The following CDH18 variants were observed in gnomAD, a reference collection of about 807,000 sequenced individuals.
The protein encoded by CDH18 is cadherin-18.
CDH18 carries 31 observed loss-of-function variants against 67.9 expected under a neutral mutation model. The ratio of observed to expected loss-of-function variants is 0.46; its 90% CI spans 0.34 to 0.62. The LOEUF is 0.62. Among genes scored for constraint, CDH18 ranks in the 20% least tolerant of loss-of-function variants. The pLI is 0.01. For synonymous variants in CDH18, 362 were observed against 347.2 expected (o/e 1.04, Z -0.48); for missense variants, 890 against 975.5 (o/e 0.91, Z 1.17).
At chr5:19,635,400 A>G (rs1479509940) in intron 5 of CDH18, among the ~76,000 whole-genome samples, 1 of 152,126 alleles carries the variant, frequency 6.6e-6, no homozygotes, top group African/African-American at 2.4e-5. Context: ...ACATATGGAA[A>G]CTCTAAAAGT....
intron 3 of CDH18, among the ~76,000 whole-genome samples, chr5:19,755,170 C>T (rs1358286304): frequency 1.4e-5 from 2 of 145,052 alleles, no homozygotes; most frequent in Admixed American, 1.4e-4. Flanking sequence ...CATAGCAGAA[C>T]TAAATGAAAT....
intron 7 of CDH18, among the ~76,000 whole-genome samples, chr5:19,576,418 CA>C (rs1207463344): frequency 1.3e-5 from 2 of 151,668 alleles, no homozygotes; most frequent in African/African-American, 4.8e-5. Context: ...TCACTCTATT[CA>C]AAAAATGGGC....
chr5:19,599,492 G>GTA, intron 6 of CDH18, among the ~76,000 whole-genome samples: 2 of 152,230 alleles, frequency 1.3e-5, no homozygotes, highest in East Asian at 3.9e-4. Flanking sequence ...TACACTTACA[G>GTA]TATATATTTT....
At chr5:20,012,716 T>C (rs983538953) in intron 2 of CDH18, among the ~76,000 whole-genome samples, 2 of 152,090 alleles carry the variant, frequency 1.3e-5, no homozygotes, top group African/African-American at 4.8e-5. Context: ...TGGAATACTA[T>C]GCAGCCATAT....
At position 20,018,472 on chromosome 5, in the gene CDH18, G is replaced by C. The variant is rs532696331; in HGVS notation, c.-517-26458C>G. Among the ~76,000 whole-genome samples the C allele has an allele frequency of 3.3e-5, 5 of 152,234 alleles. No homozygotes were observed. The East Asian group carries it at 9.7e-4, about 29-fold the overall frequency. On this transcript the variant is annotated intron_variant, in intron 2 of 14. Transcript: ENST00000507958. ...CACTTAGAGAACCTTCCCTCATTGA[G>C]CTTTGCTTTTGAATGAGCCTGACAC... is the stretch of plus-strand genomic sequence containing the variant.
At chr5:20,147,745 G>C (rs957441619) in intron 2 of CDH18, among the ~76,000 whole-genome samples, 5 of 151,902 alleles carry the variant, frequency 3.3e-5, no homozygotes, top group Admixed American at 3.3e-4. Context: ...TTTGGAATAA[G>C]GACCAGAAAG....
intron 5 of CDH18, among the ~76,000 whole-genome samples, chr5:19,626,473 C>T (rs923980774): frequency 2.6e-5 from 4 of 151,566 alleles, no homozygotes; most frequent in African/African-American, 9.7e-5. Flanking sequence ...ATTCCTTTAT[C>T]CTGAGCACTA....
intron 5 of CDH18, among the ~76,000 whole-genome samples, chr5:19,712,686 T>C (rs1397777362): frequency 6.6e-6 from 1 of 150,554 alleles, no homozygotes; most frequent in African/African-American, 2.4e-5. Context: ...TATATATATG[T>C]ATGTATTCTA....
chr5:19,579,103 A>G (rs1387555474), intron 7 of CDH18, among the ~76,000 whole-genome samples: 1 of 151,996 alleles, frequency 6.6e-6, no homozygotes, highest in Non-Finnish European at 1.5e-5. Context: ...TATTAATTAC[A>G]TTATTTGATT....
At chr5:19,934,151 G>A (rs890360883) in intron 2 of CDH18, among the ~76,000 whole-genome samples, 8 of 150,800 alleles carry the variant, frequency 5.3e-5, no homozygotes, top group African/African-American at 1.9e-4. Context: ...ATAAATAAGA[G>A]TAGAAAGGAA....
chr5:20,377,165 A>C (rs1023618062), intron 1 of CDH18, among the ~76,000 whole-genome samples: 1 of 152,220 alleles, frequency 6.6e-6, no homozygotes, highest in Non-Finnish European at 1.5e-5. Flanking sequence ...ACCATTTTTC[A>C]ACATTTGTCT....
At chr5:19,823,485 G>A (rs1389378667) in intron 3 of CDH18, among the ~76,000 whole-genome samples, 8 of 152,104 alleles carry the variant, frequency 5.3e-5, no homozygotes, top group Admixed American at 1.3e-4. Context: ...TGGTCCCTCC[G>A]TTCGGGGTCC....
At chr5:19,743,061 C>G (rs887362271) in intron 4 of CDH18, among the ~76,000 whole-genome samples, 1 of 152,144 alleles carries the variant, frequency 6.6e-6, no homozygotes, top group Non-Finnish European at 1.5e-5. Flanking sequence ...GTGTCTATTT[C>G]CTTTAGATAT....
intron 2 of CDH18, among the ~76,000 whole-genome samples, chr5:20,230,619 A>C (rs1479309471): frequency 2.0e-5 from 3 of 150,598 alleles, no homozygotes; most frequent in Non-Finnish European, 4.4e-5. Flanking sequence ...ACATACCTTC[A>C]TTTCAGATAA....
chr5:19,524,431 T>G (rs1747417193), intron 9 of CDH18, among the ~76,000 whole-genome samples: 2 of 151,472 alleles, frequency 1.3e-5, no homozygotes, highest in Admixed American at 6.6e-5. Flanking sequence ...AATATCACTT[T>G]ATTTTGTTAT....
chr5:20,302,598 T>C (rs2149970386), intron 1 of CDH18, among the ~76,000 whole-genome samples: 1 of 152,260 alleles, frequency 6.6e-6, no homozygotes, highest in African/African-American at 2.4e-5. Context: ...ACACCTCAGG[T>C]ACTTAGGAGT....
intron 1 of CDH18, among the ~76,000 whole-genome samples, chr5:20,504,303 G>C (rs1455195675): frequency 1.3e-5 from 2 of 151,836 alleles, no homozygotes; most frequent in African/African-American, 2.4e-5. Context: ...TTTGTTTCTG[G>C]GATTTTTATG....
intron 2 of CDH18, among the ~76,000 whole-genome samples, chr5:20,089,102 T>C (rs1745216252): frequency 6.6e-6 from 1 of 151,840 alleles, no homozygotes; most frequent in Non-Finnish European, 1.5e-5. Context: ...AAAAAGATCT[T>C]CTGAAAAAAT....
intron 9 of CDH18, among the ~76,000 whole-genome samples, chr5:19,538,606 C>T (rs747129107): frequency 9.9e-5 from 15 of 151,906 alleles, no homozygotes; most frequent in Non-Finnish European, 1.6e-4. Context: ...AATAACCTGA[C>T]CAATGATTGG....
Sources: gnomAD v4.1 joint callset for allele counts (sites outside exome capture counted in the v4.1 genomes callset) on GRCh38, gnomAD v4.1.1 for gene constraint, MANE v1.5 for transcripts, NCBI Gene and HGNC (gene_info 2026-07-23, HGNC 2026-07-21) for gene names.